The following MMP16 variants were observed in gnomAD, a reference collection of about 807,000 sequenced individuals.
MMP16 encodes the protein matrix metalloproteinase-16.
A neutral mutation model predicts 67.8 loss-of-function variants in MMP16; 12 were observed. That is an observed-to-expected ratio of 0.18 (90% CI 0.11 to 0.29). The LOEUF is 0.29. MMP16 is among the 10% of genes least tolerant of loss of function. The pLI is 1.00. For synonymous variants in MMP16, 249 were observed against 255.9 expected, an observed-to-expected ratio of 0.97 and a Z score of 0.26; for missense variants, 475 against 765.7, an observed-to-expected ratio of 0.62 and a Z score of 4.48.
intron 6 of MMP16, among the ~76,000 whole-genome samples, chr8:88,102,499 T>G (rs1809162096): frequency 6.6e-6 from 1 of 151,764 alleles, no homozygotes; most frequent in South Asian, 2.1e-4. Context: ...ATTTAGAAGC[T>G]CTCCAAACCC....
intron 3 of MMP16, among the ~76,000 whole-genome samples, chr8:88,182,964 C>A (rs1327732257): frequency 6.6e-6 from 1 of 151,936 alleles, no homozygotes; most frequent in Non-Finnish European, 1.5e-5. Flanking sequence ...AAAAAAGCTA[C>A]ATTCTCTATA....
rs573667750 is a variant in MMP16, at chr8:88,214,991, T to G, written c.133-17685A>C. On this transcript the variant is annotated intron_variant, in intron 1 of 9. Transcript: ENST00000286614. The stretch of plus-strand genomic sequence containing the variant: ...GAAAAGGTACCCTCAGATAATAAAT[T>G]AGTGACAAATTTCATTATTGAATAG... 3.3e-5 allele frequency among the ~76,000 whole-genome samples: 5 copies of G among 152,214 alleles called. No homozygotes were observed. The East Asian group carries it at 9.7e-4, about 29-fold the overall frequency.
intron 7 of MMP16, among the ~76,000 whole-genome samples, chr8:88,066,473 G>C (rs938033709): frequency 1.3e-5 from 2 of 151,978 alleles, no homozygotes; most frequent in African/African-American, 4.8e-5. Flanking sequence ...AACACCTTAT[G>C]AGCATAAAGG....
At chr8:88,049,125 A>G (rs1253089358) in intron 8 of MMP16, among the ~76,000 whole-genome samples, 3 of 152,206 alleles carry the variant, frequency 2.0e-5, no homozygotes, top group African/African-American at 4.8e-5. Flanking sequence ...TTCTCATCAC[A>G]TCGAAGATGA....
chr8:88,108,030 T>C (rs1457956096), intron 6 of MMP16, among the ~76,000 whole-genome samples: 1 of 151,116 alleles, frequency 6.6e-6, no homozygotes, highest in Non-Finnish European at 1.5e-5. Flanking sequence ...TATATGTGGG[T>C]GGAATATGAA....
chr8:88,222,361 G>A (rs1809696860), intron 1 of MMP16, among the ~76,000 whole-genome samples: 1 of 152,068 alleles, frequency 6.6e-6, no homozygotes, highest in Non-Finnish European at 1.5e-5. Context: ...AGTTCATATG[G>A]AACCAAAAAA....
intron 8 of MMP16, among the ~76,000 whole-genome samples, chr8:88,052,464 A>G (rs1808282483): frequency 1.3e-5 from 2 of 151,924 alleles, no homozygotes; most frequent in South Asian, 2.1e-4. Context: ...CACTCCTTCA[A>G]TGGTCTCCCA....
intron 6 of MMP16, among the ~76,000 whole-genome samples, chr8:88,087,541 G>C (rs530863872): frequency 6.6e-6 from 1 of 151,890 alleles, no homozygotes; most frequent in South Asian, 2.1e-4. Context: ...TTTTCAGCTT[G>C]GTCTTCAATC....
intron 4 of MMP16, among the ~76,000 whole-genome samples, chr8:88,162,916 T>C (rs969992032): frequency 2.6e-5 from 4 of 152,068 alleles, no homozygotes; most frequent in African/African-American, 9.7e-5. Context: ...TATCTTTTGT[T>C]TATACATTCT....
intron 1 of MMP16, among the ~76,000 whole-genome samples, chr8:88,222,454 G>A (rs1480181768): frequency 2.0e-5 from 3 of 152,054 alleles, no homozygotes; most frequent in African/African-American, 7.2e-5. Context: ...TATACCACAA[G>A]GCTACAGTAA....
intron 6 of MMP16, among the ~76,000 whole-genome samples, chr8:88,112,390 G>T (rs1809351665): frequency 6.6e-6 from 1 of 151,538 alleles, no homozygotes; most frequent in African/African-American, 2.4e-5. Flanking sequence ...AATATTCAAT[G>T]TTCTTATCTT....
intron 1 of MMP16, among the ~76,000 whole-genome samples, chr8:88,322,008 C>G (rs956710785): frequency 5.3e-5 from 8 of 152,054 alleles, no homozygotes; most frequent in African/African-American, 1.7e-4. Flanking sequence ...ACTTTAATTT[C>G]TTTTTCAGTC....
At chr8:88,191,475 AT>A (rs1292671428) in intron 2 of MMP16, among the ~76,000 whole-genome samples, 1 of 152,184 alleles carries the variant, frequency 6.6e-6, no homozygotes, top group Non-Finnish European at 1.5e-5. Flanking sequence ...GGTGGTAGTC[AT>A]GGTAGAAGCA....
chr8:88,104,867 G>GA (rs574603335), intron 6 of MMP16, among the ~76,000 whole-genome samples: 19 of 140,846 alleles, frequency 1.3e-4, no homozygotes, highest in Middle Eastern at 3.5e-3. Context: ...AGTTTAAAAA[G>GA]AAAAAAAAAA....
chr8:88,124,811 G>A (rs1040871072), intron 4 of MMP16, among the ~76,000 whole-genome samples: 1 of 151,826 alleles, frequency 6.6e-6, no homozygotes, highest in Non-Finnish European at 1.5e-5. Context: ...CTGAGCTCAG[G>A]GCACCAGCAT....
rs1808040295 is a variant in MMP16 at position 88,035,301 on chromosome 8, A to T, written c.*6160T>A. 1 of 152,058 alleles carries T rather than the reference A, an allele frequency of 6.6e-6. No homozygotes were observed. Among genetic ancestry groups the T allele is most frequent in the Non-Finnish European group, 1.5e-5 (1 of 67,946 alleles). 9.4% of individuals were successfully genotyped at this position (152,058 alleles called of 1,614,324 possible). On this transcript the variant is annotated 3_prime_UTR_variant, in exon 10 of 10. Transcript: ENST00000286614. The surrounding 1 kb of genome is among the most constrained non-coding windows in gnomAD (Gnocchi z 4.7). The stretch of plus-strand genomic sequence containing the variant: ...CAGAGCACATGGGAAAGTTATATGA[A>T]TCTGTACAACATTCTAGTTTATGAT...
rs1204021115 is a variant in MMP16, at chr8:88,037,212, G to A, written c.*4249C>T. ...CATCATCTATGTATTGGAACTAGCAGTGAAGTTTGGACAATGTTCTTATCC... is the reference window on the plus strand; with the variant it reads ...CATCATCTATGTATTGGAACTAGCAATGAAGTTTGGACAATGTTCTTATCC... On this transcript the variant is annotated 3_prime_UTR_variant, in exon 10 of 10. Transcript: ENST00000286614. 2.6e-5 allele frequency: 4 copies of A among 151,236 alleles called. No homozygotes were observed. The highest frequency in any genetic ancestry group is 4.2e-4 in the South Asian group (2 of 4,774). The allele number at this position is 151,236 out of a possible 1,614,324, so 9.4% of individuals were successfully genotyped here.
intron 1 of MMP16, among the ~76,000 whole-genome samples, chr8:88,222,443 C>G (rs1809698324): frequency 6.6e-6 from 1 of 152,120 alleles, no homozygotes; most frequent in South Asian, 2.1e-4. Context: ...TGACTTCAAA[C>G]TATACCACAA....
At chr8:88,196,802 G>C (rs1809264053) in intron 2 of MMP16, among the ~76,000 whole-genome samples, 1 of 151,906 alleles carries the variant, frequency 6.6e-6, no homozygotes, top group Non-Finnish European at 1.5e-5. Context: ...CCAATGAACA[G>C]AGATTTGGGA....
Sources: allele counts gnomAD v4.1 joint callset (sites outside exome capture counted in the v4.1 genomes callset), GRCh38; gene constraint gnomAD v4.1.1; non-coding constraint Gnocchi (gnomAD v3.1); transcripts MANE v1.5; gene names NCBI Gene and HGNC (gene_info 2026-07-23, HGNC 2026-07-21).